The following HERC2 variants were observed in gnomAD, a reference collection of about 807,000 sequenced individuals.
HERC2 encodes E3 ubiquitin-protein ligase HERC2.
Under a neutral mutation model 537.7 loss-of-function variants are expected in HERC2, and 102 were observed. That is an observed-to-expected ratio of 0.19 (90% CI 0.16 to 0.22). HERC2 has a LOEUF of 0.22. HERC2 is among the 10% of genes least tolerant of loss of function. HERC2 has a pLI of 1.00. For missense variants in HERC2, 4,236 were observed against 6,198.2 expected (o/e 0.68, Z 10.63); for synonymous variants, 2,224 against 2,466.2 (o/e 0.90, Z 2.91).
chr15:28,317,961 T>TA (rs1406946479), intron 2 of HERC2, among the ~76,000 whole-genome samples: 1 of 152,150 alleles, frequency 6.6e-6, no homozygotes, highest in Non-Finnish European at 1.5e-5. Context: ...ATGTGCCACT[T>TA]AAAAAAGAAC....
intron 74 of HERC2, 55 bp from the exon 75 acceptor site, chr15:28,143,007 G>A (rs1891378971): frequency 3.8e-5 from 60 of 1,570,554 alleles, no homozygotes; most frequent in Non-Finnish European, 5.0e-5. Context: ...CGGGGAGGCT[G>A]ACCATTTGTT....
Position 28,167,822 on chromosome 15 carries a change from A to G in HERC2, c.10419T>C (p.Val3473=). ...AGGGGGTCACTGCGTCCTCAGAGGA[A>G]ACAATCTAGTCCAAGAGTGCACAGT... is the stretch of plus-strand genomic sequence containing the variant. The part of the protein sequence containing the change: ...PNPWQEKREI[V]SSEDAVTPSA... The change falls in exon 68 of 93, where the codon GTT becomes GTC. Residue 3473 remains valine (V), a synonymous_variant. Transcript: ENST00000261609. The G allele has an allele frequency of 5.6e-6, 9 of 1,612,658 alleles. No homozygotes were observed. Among genetic ancestry groups the G allele is most frequent in the Non-Finnish European group, 7.6e-6 (9 of 1,179,644 alleles).
At position 28,265,769 on chromosome 15, in the gene HERC2, A is replaced by T. The variant is rs751173302; in HGVS notation, c.1757-38T>A. On this transcript the variant is annotated intron_variant, in intron 13 of 92. Transcript: ENST00000261609. The surrounding 1 kb of genome is among the most constrained non-coding windows in gnomAD (Gnocchi z 4.0). Reference sequence around the variant, plus strand: ...AGGACGGCGGTTACTAAGTCCTGTAAGAGGCCACCTCCTGCTGCATGCTCC... The same window carrying T: ...AGGACGGCGGTTACTAAGTCCTGTATGAGGCCACCTCCTGCTGCATGCTCC... 44 of 1,614,000 alleles carry T rather than the reference A, an allele frequency of 2.7e-5. No individual in the cohort carries two copies. The highest frequency in any genetic ancestry group is 3.5e-5 in the Non-Finnish European group (41 of 1,179,968).
intron 4 of HERC2, among the ~76,000 whole-genome samples, chr15:28,285,966 C>T (rs569352467): frequency 6.6e-6 from 1 of 152,096 alleles, no homozygotes; most frequent in South Asian, 2.1e-4. Context: ...ATTACCACAA[C>T]TCACCAAATA....
intron 55 of HERC2, among the ~76,000 whole-genome samples, chr15:28,189,910 C>A (rs1288335081): frequency 6.6e-6 from 1 of 151,846 alleles, no homozygotes; most frequent in Admixed American, 6.6e-5. Flanking sequence ...TAAATGAATA[C>A]AAAAATCAAC....
intron 10 of HERC2, 152 bp from the exon 11 acceptor site, chr15:28,269,588 T>G (rs1224860919): frequency 3.7e-5 from 23 of 621,778 alleles, no homozygotes; most frequent in Non-Finnish European, 6.1e-5. Context: ...CAGCCTGTAT[T>G]ACCTCATTTA....
At chr15:28,157,529 T>C (rs368968327) in intron 69 of HERC2, among the ~76,000 whole-genome samples, 1 of 152,176 alleles carries the variant, frequency 6.6e-6, no homozygotes, top group Non-Finnish European at 1.5e-5. Context: ...AGTTTATTTG[T>C]GTAGAGGTGT....
intron 35 of HERC2, among the ~76,000 whole-genome samples, chr15:28,227,135 T>A (rs1017850413): frequency 7.2e-5 from 11 of 151,944 alleles, no homozygotes; most frequent in Non-Finnish European, 8.8e-5. Flanking sequence ...ATTAGCCAGG[T>A]GTGGTGGTGT....
intron 35 of HERC2, among the ~76,000 whole-genome samples, 181 bp downstream of exon 35, chr15:28,228,037 T>C (rs988857502): frequency 6.6e-6 from 1 of 151,558 alleles, no homozygotes; most frequent in African/African-American, 2.4e-5. Context: ...GTGATGACTC[T>C]AGAAAATCGT....
chr15:28,239,094 T>C (rs1193376590), intron 23 of HERC2, among the ~76,000 whole-genome samples: 3 of 152,192 alleles, frequency 2.0e-5, no homozygotes, highest in Non-Finnish European at 4.4e-5. Context: ...TTTTCAAAAA[T>C]TCATTCAAAA....
chr15:28,256,841 G>C (rs547644238), intron 17 of HERC2, among the ~76,000 whole-genome samples: 1 of 152,242 alleles, frequency 6.6e-6, no homozygotes, highest in East Asian at 1.9e-4. Context: ...TGATCCACCC[G>C]CCCAGGCCTC....
At chr15:28,121,464 G>A in intron 85 of HERC2, 35 bp from the exon 86 acceptor site, 1 of 1,500,272 alleles carries the variant, frequency 6.7e-7, no homozygotes, top group Non-Finnish European at 9.3e-7. Flanking sequence ...TTTAGAATCT[G>A]ATATGGAAAG....
chr15:28,230,089 C>T (rs1313282675), intron 31 of HERC2, among the ~76,000 whole-genome samples: 1 of 152,164 alleles, frequency 6.6e-6, no homozygotes, highest in East Asian at 1.9e-4. Context: ...ATATTAATAG[C>T]CACAGGGCCC....
chr15:28,201,891 T>G (rs568362864), intron 47 of HERC2, among the ~76,000 whole-genome samples: 11 of 152,304 alleles, frequency 7.2e-5, no homozygotes, highest in Non-Finnish European at 1.3e-4. Flanking sequence ...AAGGGTCTGT[T>G]CTGAAGCTAA....
At chr15:28,218,738 A>G (rs1406156759) in intron 37 of HERC2, 67 bp from the exon 38 acceptor site, 1 of 1,288,170 alleles carries the variant, frequency 7.8e-7, no homozygotes, top group African/African-American at 1.5e-5. Context: ...CCTGCATATA[A>G]TTCAACAGCT....
rs558607445 is a variant in HERC2 at position 28,169,470 on chromosome 15, G to C, written c.10229+14C>G. The stretch of plus-strand genomic sequence containing the variant: ...CATAATTGCAGAATTTCAAAAATTA[G>C]CACAGAAGCCTACCTGGCATACATG... On this transcript the variant is annotated intron_variant, in intron 66 of 92. Coordinates refer to ENST00000261609, the MANE Select transcript of HERC2 (RefSeq NM_004667.6). 6.5e-7 allele frequency: 1 copy of C among 1,544,338 alleles called. No individual in the cohort carries two copies. Among genetic ancestry groups the C allele is most frequent in the Non-Finnish European group, 8.8e-7 (1 of 1,141,592 alleles).
At position 28,113,611 on chromosome 15, in the gene HERC2, G is replaced by C. The variant is rs1887896426; in HGVS notation, c.13981C>G (p.Leu4661Val). The C allele has an allele frequency of 6.2e-7, 1 of 1,614,212 alleles. No homozygotes were observed. Among genetic ancestry groups the C allele is most frequent in the African/African-American group, 1.3e-5 (1 of 75,052 alleles). ...TCGTAGCCGGTGAACAGAGAGAGGA[G>C]GGGAACAGGCACAACGCGGGCCATT... ...EGMARVVPVP[L>V]LSLFTGYELE... Residue 4661 changes from leucine (L) to valine (V), a missense_variant, in exon 91 of 93, where the codon CTC (leucine) becomes GTC (valine). Around this residue, in one of 27 missense-constraint regions of HERC2, gnomAD observed 313 missense variants for 462.6 expected, o/e 0.68. Coordinates refer to ENST00000261609, the MANE Select transcript of HERC2 (RefSeq NM_004667.6). The surrounding 1 kb of genome is among the most constrained non-coding windows in gnomAD (Gnocchi z 7.0).
Position 28,256,137 on chromosome 15 carries a change from T to C in HERC2, c.2698A>G (p.Thr900Ala). The C allele has an allele frequency of 6.3e-7, 1 of 1,599,200 alleles. No homozygotes were observed. The highest frequency in any genetic ancestry group is 2.2e-5 in the East Asian group (1 of 44,708). ...LQSGWSVLLPTAEERARALSA... is the reference protein window; with the variant it reads ...LQSGWSVLLPAAEERARALSA... Reference sequence around the variant, plus strand: ...AGTGCCCGGGCCCGCTCCTCCGCGGTGGGCAGCAGCACGGACCAGCCACTC... The same window carrying C: ...AGTGCCCGGGCCCGCTCCTCCGCGGCGGGCAGCAGCACGGACCAGCCACTC... The change falls in exon 18 of 93, where the codon ACC (threonine) becomes GCC (alanine). Residue 900 changes from threonine to alanine, a missense_variant. Transcript: ENST00000261609.
intron 68 of HERC2, among the ~76,000 whole-genome samples, chr15:28,167,301 G>C (rs8043281): frequency 6.6e-6 from 1 of 152,092 alleles, no homozygotes; most frequent in Non-Finnish European, 1.5e-5. Flanking sequence ...ATTCTGCACC[G>C]TTCCTGTGGT....
Sources: gnomAD v4.1 joint callset for allele counts (sites outside exome capture counted in the v4.1 genomes callset) on GRCh38, gnomAD v4.1.1 for gene constraint, gnomAD v4.1.1 regional missense constraint, Gnocchi (gnomAD v3.1) non-coding constraint, MANE v1.5 for transcripts, NCBI Gene and HGNC (gene_info 2026-07-23, HGNC 2026-07-21) for gene names.